The following LINGO2 variants were observed in gnomAD, a reference collection of about 807,000 sequenced individuals.
The protein encoded by LINGO2 is leucine-rich repeat and immunoglobulin-like domain-containing nogo receptor-interacting protein 2.
A neutral mutation model predicts 30.6 loss-of-function variants in LINGO2; 14 were observed. The observed-to-expected ratio is 0.46, with a 90% CI of 0.30 to 0.72. LINGO2 has a LOEUF of 0.72. LINGO2 is among the 30% of genes least tolerant of loss of function. LINGO2 has a pLI of 0.07. For synonymous variants in LINGO2, 317 were observed against 288.5 expected (o/e 1.10, Z -1.00); for missense variants, 729 against 751.7 (o/e 0.97, Z 0.35).
chr9:28,521,281 G>C (rs1241128564), intron 1 of LINGO2, among the ~76,000 whole-genome samples: 1 of 152,106 alleles, frequency 6.6e-6, no homozygotes, highest in East Asian at 1.9e-4. Context: ...AAATTCAATA[G>C]ATGATCTAAG....
At chr9:28,888,401 C>T in the LINGO2 span, among the ~76,000 whole-genome samples, 13 of 151,996 alleles carry the variant, frequency 8.6e-5, no homozygotes, top group African/African-American at 2.9e-4. Context: ...TGATGTTACA[C>T]ATGAACATGA....
chr9:28,863,060 A>C, the LINGO2 span, among the ~76,000 whole-genome samples: 1 of 152,122 alleles, frequency 6.6e-6, no homozygotes, highest in South Asian at 2.1e-4. Flanking sequence ...ATGCCCAGTG[A>C]ATACCTAATT....
chr9:28,148,645 C>A lies in LINGO2; in HGVS notation c.-86-136240G>T. ...ACCTCAAGAGCTTGACAGAAAACAA[C>A]CAGACTGACAAGGCCCAGGTGCCTG... On this transcript the variant is annotated intron_variant, in intron 4 of 5. Transcript: ENST00000379992. The surrounding 1 kb of genome is among the most constrained non-coding windows in gnomAD (Gnocchi z 5.1). 2 of 1,531,368 alleles carry A rather than the reference C, an allele frequency of 1.3e-6. No homozygotes were observed. The highest frequency in any genetic ancestry group is 8.7e-7 in the Non-Finnish European group (1 of 1,143,934). 94.9% of individuals were successfully genotyped at this position (1,531,368 alleles called of 1,614,324 possible).
intron 5 of LINGO2, among the ~76,000 whole-genome samples, chr9:27,997,502 C>T (rs971270248): frequency 3.3e-5 from 5 of 152,008 alleles, no homozygotes; most frequent in Non-Finnish European, 7.4e-5. Flanking sequence ...CTTGTTGGGC[C>T]TCAGACTCCT....
chr9:28,982,177 A>C, the LINGO2 span, among the ~76,000 whole-genome samples: 1 of 152,120 alleles, frequency 6.6e-6, no homozygotes. Flanking sequence ...TCTGTGGGAT[A>C]GGGGAAGGAT....
chr9:28,351,962 A>T (rs964339901), intron 3 of LINGO2, among the ~76,000 whole-genome samples: 1 of 150,516 alleles, frequency 6.6e-6, no homozygotes, highest in Non-Finnish European at 1.5e-5. Flanking sequence ...CCTTCATGCT[A>T]AAAACTCTCA....
intron 1 of LINGO2, among the ~76,000 whole-genome samples, chr9:28,579,462 A>C (rs1353794412): frequency 1.3e-5 from 2 of 152,102 alleles, no homozygotes; most frequent in Non-Finnish European, 2.9e-5. Flanking sequence ...CCATGAAAAT[A>C]AATTTCTGAA....
At position 28,611,385 on chromosome 9, in the gene LINGO2, T is replaced by C. The variant is rs142506546; in HGVS notation, c.-365+58815A>G. Among the ~76,000 whole-genome samples, 299 of 151,928 alleles carry C rather than the reference T, an allele frequency of 2.0e-3. 3 individuals carry two copies. The highest frequency in any genetic ancestry group is 6.9e-3 in the African/African-American group (287 of 41,444). ...TGTGTGTGTGTGAGATGTGAGAGCA[T>C]TAAATGTGAGAGAGAGCATCTACTC... On this transcript the variant is annotated intron_variant, in intron 1 of 5. Coordinates refer to ENST00000379992, the Ensembl canonical transcript of LINGO2.
intron 5 of LINGO2, among the ~76,000 whole-genome samples, chr9:28,005,928 G>A (rs115055353): frequency 6.6e-6 from 1 of 152,024 alleles, no homozygotes; most frequent in South Asian, 2.1e-4. Context: ...GCCATTAATG[G>A]ATTCAGAGCA....
chr9:28,190,584 T>A (rs1417658635), intron 4 of LINGO2, among the ~76,000 whole-genome samples: 1 of 152,216 alleles, frequency 6.6e-6, no homozygotes, highest in Non-Finnish European at 1.5e-5. Flanking sequence ...GACAGTCATC[T>A]ATGAATCACA....
At chr9:28,586,680 G>T (rs1824556857) in intron 1 of LINGO2, among the ~76,000 whole-genome samples, 1 of 151,860 alleles carries the variant, frequency 6.6e-6, no homozygotes, top group Admixed American at 6.6e-5. Flanking sequence ...TGGAATTCAG[G>T]ATTAGAAAAT....
intron 1 of LINGO2, among the ~76,000 whole-genome samples, chr9:28,647,507 A>G (rs1827893434): frequency 6.6e-6 from 1 of 152,126 alleles, no homozygotes. Flanking sequence ...ATACTTTATA[A>G]TGTACTTTAT....
At chr9:28,522,034 G>A (rs142757249) in intron 1 of LINGO2, among the ~76,000 whole-genome samples, 6 of 152,326 alleles carry the variant, frequency 3.9e-5, no homozygotes, top group African/African-American at 1.2e-4. Flanking sequence ...AGAACTGTGA[G>A]AGAATAAATT....
At chr9:28,536,710 A>G (rs1200267790) in intron 1 of LINGO2, among the ~76,000 whole-genome samples, 2 of 152,136 alleles carry the variant, frequency 1.3e-5, no homozygotes, top group Non-Finnish European at 2.9e-5. Flanking sequence ...CGAGCAATCA[A>G]CTTGACAGAA....
the LINGO2 span, among the ~76,000 whole-genome samples, chr9:29,009,069 C>T: frequency 6.6e-6 from 1 of 152,152 alleles, no homozygotes; most frequent in South Asian, 2.1e-4. Context: ...AAATCCACAG[C>T]CAGTATCATA....
At chr9:28,616,181 A>C (rs755322640) in intron 1 of LINGO2, among the ~76,000 whole-genome samples, 1 of 152,166 alleles carries the variant, frequency 6.6e-6, no homozygotes, top group African/African-American at 2.4e-5. Context: ...TTATTTTTAA[A>C]ATGCTTATAA....
chr9:28,714,164 A>AATCTATCTATATATATATATATAT, the LINGO2 span, among the ~76,000 whole-genome samples: 16 of 117,174 alleles, frequency 1.4e-4, 1 homozygote, highest in African/African-American at 5.0e-4. Flanking sequence ...TGCCTCAAAT[A>AATCTATCTATATATATATATATAT]ATATATATAT....
chr9:28,220,308 A>G (rs996187159), intron 4 of LINGO2, among the ~76,000 whole-genome samples: 5 of 152,166 alleles, frequency 3.3e-5, no homozygotes, highest in Non-Finnish European at 7.4e-5. Flanking sequence ...TCTTTCAACC[A>G]TAAGTCCTTT....
the LINGO2 span, among the ~76,000 whole-genome samples, chr9:29,106,741 A>C: frequency 6.6e-6 from 1 of 152,138 alleles, no homozygotes; most frequent in Non-Finnish European, 1.5e-5. Flanking sequence ...TCCTTTATAG[A>C]CTTTTATTTT....
Sources: allele counts gnomAD v4.1 joint callset (sites outside exome capture counted in the v4.1 genomes callset), GRCh38; gene constraint gnomAD v4.1.1; non-coding constraint Gnocchi (gnomAD v3.1); transcripts MANE v1.5; gene names NCBI Gene and HGNC (gene_info 2026-07-23, HGNC 2026-07-21).